The following RGS7 variants were observed in gnomAD, a reference collection of about 807,000 sequenced individuals.
The protein encoded by RGS7 is regulator of G protein signaling 7.
Under a neutral mutation model 81.1 loss-of-function variants are expected in RGS7, and 27 were observed. That is an observed-to-expected ratio of 0.33 (90% CI 0.25 to 0.46). The LOEUF (loss-of-function observed/expected upper bound fraction) is 0.46. Among genes scored for constraint, RGS7 ranks in the 20% least tolerant of loss-of-function variants. The pLI, the probability that RGS7 is intolerant of heterozygous loss-of-function variation, is 1.00. For missense variants in RGS7, 396 were observed against 607.4 expected, an observed-to-expected ratio of 0.65 and a Z score of 3.66; for synonymous variants, 208 against 207.7, an observed-to-expected ratio of 1.00 and a Z score of -0.01.
chr1:241,234,559 G>A lies in RGS7; in HGVS notation c.78+121140C>T, dbSNP rs139047160. ...GCTAGACCAGCCACCCTGAGTGGAT[G>A]AAGTGAAGTGACTGTGGGAACAGAG... On this transcript the variant is annotated intron_variant, in intron 2 of 18. Coordinates refer to ENST00000440928, the MANE Select transcript of RGS7 (RefSeq NM_001364886.1). Among the ~76,000 whole-genome samples the A allele has an allele frequency of 1.3e-4, 19 of 151,832 alleles. No individual in the cohort carries two copies. In the East Asian group the frequency reaches 3.5e-3, roughly 28 times the overall value.
chr1:241,105,517 A>G (rs2065040157), intron 2 of RGS7, among the ~76,000 whole-genome samples: 1 of 152,238 alleles, frequency 6.6e-6, no homozygotes, highest in South Asian at 2.1e-4. Flanking sequence ...TTCTTTGAAG[A>G]GAGTTACTAA....
chr1:240,858,028 C>G (rs901876551), intron 9 of RGS7, among the ~76,000 whole-genome samples: 22 of 152,176 alleles, frequency 1.4e-4, no homozygotes, highest in African/African-American at 5.3e-4. Context: ...CCATGCTGAA[C>G]TGAGTCAATT....
chr1:240,777,883 TG>T (rs1683243176), intron 18 of RGS7, among the ~76,000 whole-genome samples: 2 of 144,156 alleles, frequency 1.4e-5, no homozygotes, highest in African/African-American at 5.2e-5. Context: ...CCAAAGGCCC[TG>T]ACTCCTAATA....
At chr1:241,254,240 G>C (rs1264265529) in intron 2 of RGS7, among the ~76,000 whole-genome samples, 1 of 151,416 alleles carries the variant, frequency 6.6e-6, no homozygotes, top group Non-Finnish European at 1.5e-5. Context: ...TAGTGGTGAA[G>C]CCATGCTGTA....
intron 13 of RGS7, among the ~76,000 whole-genome samples, chr1:240,813,180 C>A (rs192697737): frequency 1.8e-3 from 275 of 152,288 alleles, no homozygotes; most frequent in Non-Finnish European, 3.0e-3. Context: ...GCCAGTTTCT[C>A]TTACAGTGTC....
At chr1:241,141,737 G>T (rs1417793552) in intron 2 of RGS7, among the ~76,000 whole-genome samples, 1 of 152,186 alleles carries the variant, frequency 6.6e-6, no homozygotes, top group Non-Finnish European at 1.5e-5. Flanking sequence ...TTCAAGATGA[G>T]ATTTGGGTGG....
chr1:240,874,086 C>G (rs1336152341), intron 6 of RGS7, among the ~76,000 whole-genome samples: 3 of 152,138 alleles, frequency 2.0e-5, no homozygotes, highest in Non-Finnish European at 4.4e-5. Flanking sequence ...GTTCACCCTT[C>G]TACCATGTGG....
At chr1:240,806,475 G>A (rs1688862056) in intron 14 of RGS7, 149 bp from the exon 15 acceptor site, 1 of 550,784 alleles carries the variant, frequency 1.8e-6, no homozygotes, top group Admixed American at 3.0e-5. Flanking sequence ...TACTGACTGT[G>A]TTCAAAGGAT....
intron 16 of RGS7, 34 bp downstream of exon 16, chr1:240,802,870 G>A (rs749673142): frequency 3.8e-6 from 5 of 1,328,864 alleles, no homozygotes; most frequent in South Asian, 3.5e-5. Context: ...CTGAGAACTA[G>A]GCCAAGAAAA....
chr1:240,958,548 C>A (rs1680817195), intron 4 of RGS7, among the ~76,000 whole-genome samples: 1 of 152,184 alleles, frequency 6.6e-6, no homozygotes, highest in East Asian at 1.9e-4. Flanking sequence ...TCACCCAACT[C>A]ACTCCTTAGT....
intron 9 of RGS7, among the ~76,000 whole-genome samples, chr1:240,852,829 A>T (rs1249171709): frequency 6.6e-6 from 1 of 152,186 alleles, no homozygotes; most frequent in African/African-American, 2.4e-5. Context: ...ACAAGCAGCA[A>T]CTCAAGCTAA....
chr1:241,194,315 C>T (rs1445949340), intron 2 of RGS7, among the ~76,000 whole-genome samples: 1 of 152,150 alleles, frequency 6.6e-6, no homozygotes, highest in Admixed American at 6.5e-5. Flanking sequence ...TACCTCTGGG[C>T]ACCAATGGAC....
At chr1:240,840,310 A>G (rs1657694121) in intron 9 of RGS7, among the ~76,000 whole-genome samples, 1 of 150,984 alleles carries the variant, frequency 6.6e-6, no homozygotes, top group Admixed American at 6.6e-5. Context: ...GTCTCGCTCC[A>G]TTGCCCAGGG....
chr1:240,885,998 T>G (rs12127148), intron 6 of RGS7, among the ~76,000 whole-genome samples: 39,924 of 152,076 alleles, frequency 0.26, 5,552 homozygotes, highest in African/African-American at 0.36. Context: ...GTAACATTAT[T>G]TGCTCTTTTG....
chr1:240,810,556 C>G (rs138694672), intron 14 of RGS7, among the ~76,000 whole-genome samples: 223 of 150,186 alleles, frequency 1.5e-3, no homozygotes, highest in African/African-American at 5.1e-3. Context: ...AAGCGATTCT[C>G]ATTCCTCAGC....
intron 2 of RGS7, among the ~76,000 whole-genome samples, chr1:241,109,624 G>A (rs567989493): frequency 7.9e-5 from 12 of 151,960 alleles, no homozygotes; most frequent in Non-Finnish European, 1.2e-4. Context: ...CCAACAGGAC[G>A]TATTACTTTT....
chr1:241,270,280 C>G (rs777349761), intron 2 of RGS7, among the ~76,000 whole-genome samples: 12 of 152,128 alleles, frequency 7.9e-5, no homozygotes, highest in Non-Finnish European at 1.8e-4. Flanking sequence ...GAGTGGGGCT[C>G]TCGGTCTAGG....
intron 2 of RGS7, among the ~76,000 whole-genome samples, chr1:241,116,255 CA>C (rs1485613255): frequency 6.6e-6 from 1 of 152,066 alleles, no homozygotes; most frequent in Non-Finnish European, 1.5e-5. Flanking sequence ...AAATCTTAAA[CA>C]GATACAAAAA....
intron 13 of RGS7, 85 bp downstream of exon 13, chr1:240,813,533 A>G: frequency 1.2e-6 from 1 of 818,044 alleles, no homozygotes; most frequent in South Asian, 1.4e-5. Flanking sequence ...TACATTCACA[A>G]TTAGCCAACA....
Sources: allele counts gnomAD v4.1 joint callset (sites outside exome capture counted in the v4.1 genomes callset), GRCh38; gene constraint gnomAD v4.1.1; transcripts MANE v1.5; gene names NCBI Gene and HGNC (gene_info 2026-07-23, HGNC 2026-07-21).